Variants in NAV1 observed in about 807,000 individuals in gnomAD.
The protein encoded by NAV1 is neuron navigator 1.
In NAV1, 18 loss-of-function variants were observed where a neutral mutation model predicts 175.2. The ratio of observed to expected loss-of-function variants is 0.10; its 90% CI spans 0.07 to 0.15. The LOEUF is 0.15. NAV1 is among the 10% of genes least tolerant of loss of function. The pLI, the probability that NAV1 is intolerant of heterozygous loss-of-function variation, is 1.00. For missense variants in NAV1, 1,731 were observed against 2,436.6 expected (o/e 0.71, Z 6.10); for synonymous variants, 897 against 978.7 (o/e 0.92, Z 1.56).
intron 1 of NAV1, among the ~76,000 whole-genome samples, chr1:201,696,782 G>A (rs145832857): frequency 1.2e-4 from 18 of 152,286 alleles, no homozygotes; most frequent in African/African-American, 4.3e-4. Context: ...CCTACAAGCC[G>A]TGTGACCTTA....
At chr1:201,728,044 G>C (rs1028133056) in intron 3 of NAV1, among the ~76,000 whole-genome samples, 32 of 152,312 alleles carry the variant, frequency 2.1e-4, no homozygotes, top group African/African-American at 6.3e-4. Flanking sequence ...AGATGGGAAG[G>C]AAAGACAAGA....
chr1:201,659,600 A>G (rs1289231673), intron 1 of NAV1, among the ~76,000 whole-genome samples: 1 of 152,224 alleles, frequency 6.6e-6, no homozygotes, highest in Admixed American at 6.5e-5. Flanking sequence ...AGCCTGGGTG[A>G]CAGAGCAAGA....
At chr1:201,663,156 C>G (rs741973) in intron 1 of NAV1, among the ~76,000 whole-genome samples, 41,055 of 152,176 alleles carry the variant, frequency 0.27, 6,285 homozygotes, top group Admixed American at 0.41. Flanking sequence ...GGGGAACGGT[C>G]TCTGATTGAC....
chr1:201,699,691 T>C (rs925600945), intron 1 of NAV1, among the ~76,000 whole-genome samples: 1 of 152,150 alleles, frequency 6.6e-6, no homozygotes, highest in Non-Finnish European at 1.5e-5. Context: ...CTTCAAACCA[T>C]ACTACAAGGC....
intron 3 of NAV1, among the ~76,000 whole-genome samples, chr1:201,764,417 C>T (rs987514522): frequency 9.2e-5 from 14 of 152,218 alleles, no homozygotes; most frequent in African/African-American, 3.4e-4. Flanking sequence ...TGTGTCCTCA[C>T]ATGGCCTTAA....
At chr1:201,632,589 G>A (rs1389253967) in intron 2 of NAV1, among the ~76,000 whole-genome samples, 1 of 152,254 alleles carries the variant, frequency 6.6e-6, no homozygotes, top group Non-Finnish European at 1.5e-5. Flanking sequence ...GACTGGGAAA[G>A]GTTGCCCCAA....
intron 3 of NAV1, among the ~76,000 whole-genome samples, chr1:201,727,315 A>G (rs79546068): frequency 9.9e-5 from 15 of 152,118 alleles, no homozygotes; most frequent in African/African-American, 1.7e-4. Flanking sequence ...GATCTTTCTG[A>G]TCCTCACAGG....
At chr1:201,650,940 G>A (rs1237257006) in intron 1 of NAV1, among the ~76,000 whole-genome samples, 1 of 152,180 alleles carries the variant, frequency 6.6e-6, no homozygotes, top group African/African-American at 2.4e-5. Flanking sequence ...TCAGTGTGGG[G>A]CTGAGCCTGT....
intron 1 of NAV1, among the ~76,000 whole-genome samples, chr1:201,693,316 A>G (rs1386445582): frequency 6.6e-6 from 1 of 152,210 alleles, no homozygotes; most frequent in Non-Finnish European, 1.5e-5. Flanking sequence ...ACCCTAAGGA[A>G]GGAATAGTGA....
intron 3 of NAV1, among the ~76,000 whole-genome samples, chr1:201,738,623 C>A (rs757610761): frequency 6.6e-6 from 1 of 151,936 alleles, no homozygotes; most frequent in South Asian, 2.1e-4. Flanking sequence ...GCAGTGAGAG[C>A]GAGGAGGAGG....
chr1:201,658,999 A>G (rs1482676612), intron 1 of NAV1, among the ~76,000 whole-genome samples: 1 of 152,164 alleles, frequency 6.6e-6, no homozygotes, highest in African/African-American at 2.4e-5. Flanking sequence ...TGCCCTGGGA[A>G]TTGATTAGGC....
intron 1 of NAV1, among the ~76,000 whole-genome samples, chr1:201,568,054 C>T (rs1423079809): frequency 6.6e-6 from 1 of 152,166 alleles, no homozygotes; most frequent in Non-Finnish European, 1.5e-5. Context: ...CCTAGGACCA[C>T]GTAAGCATAG....
At chr1:201,550,301 A>C (rs1281280932) in intron 1 of NAV1, among the ~76,000 whole-genome samples, 1 of 152,002 alleles carries the variant, frequency 6.6e-6, no homozygotes. Flanking sequence ...CCTCCTAAAC[A>C]GCTGGGACCA....
At chr1:201,806,113 T>C (rs970539166) in intron 17 of NAV1, among the ~76,000 whole-genome samples, 58 of 151,638 alleles carry the variant, frequency 3.8e-4, no homozygotes, top group Admixed American at 1.4e-3. Context: ...GCCTCCTGAG[T>C]AGCTGGGATT....
intron 3 of NAV1, among the ~76,000 whole-genome samples, chr1:201,732,727 C>T (rs1343770996): frequency 1.3e-5 from 2 of 152,218 alleles, no homozygotes; most frequent in African/African-American, 2.4e-5. Flanking sequence ...ATATACCAGA[C>T]ACTGCAGATG....
chr1:201,550,989 C>A (rs897424398), intron 1 of NAV1, among the ~76,000 whole-genome samples: 1 of 152,234 alleles, frequency 6.6e-6, no homozygotes, highest in African/African-American at 2.4e-5. Flanking sequence ...ATGGTCCGTG[C>A]TGAATGACTT....
In NAV1 at chr1:201,774,193, G is replaced by A. The variant is rs965650645; in HGVS notation, c.1227-6228G>A. ...TATAAAGAGAAATGGGAGGGAGACA[G>A]CAAAATCCAGCTTAGAGTGAGCAAA... On this transcript the variant is annotated intron_variant, in intron 3 of 29. Transcript: ENST00000367296. 6.6e-5 allele frequency among the ~76,000 whole-genome samples: 10 copies of A among 152,180 alleles called. No homozygotes were observed. The East Asian group carries it at 1.9e-3, about 29-fold the overall frequency.
Position 201,807,886 on chromosome 1 carries a change from A to T in NAV1, c.3649-67A>T. ...AGCTCTCTCTGTCTCAGAAGTCTCA[A>T]TCCAGTCCTCCCCCATCCCAGTAGT... On this transcript the variant is annotated intron_variant, in intron 17 of 29. Transcript: ENST00000367296. The surrounding 1 kb of genome is among the most constrained non-coding windows in gnomAD (Gnocchi z 5.4). The T allele has an allele frequency of 2.0e-6, 3 of 1,519,274 alleles. No homozygotes were observed. In the South Asian group the frequency reaches 3.4e-5, roughly 17 times the overall value. The allele number at this position is 1,519,274 out of a possible 1,614,324, so 94.1% of individuals were successfully genotyped here. A position where few individuals can be genotyped will look rare whatever the true frequency, so the allele number is the denominator to read the frequency against.
intron 1 of NAV1, among the ~76,000 whole-genome samples, chr1:201,702,854 G>A (rs2102447050): frequency 6.6e-6 from 1 of 152,244 alleles, no homozygotes; most frequent in South Asian, 2.1e-4. Flanking sequence ...AACCTCCCCA[G>A]GCTTCCGTTT....
Sources: allele counts gnomAD v4.1 joint callset (sites outside exome capture counted in the v4.1 genomes callset), GRCh38; gene constraint gnomAD v4.1.1; non-coding constraint Gnocchi (gnomAD v3.1); transcripts MANE v1.5; gene names NCBI Gene and HGNC (gene_info 2026-07-23, HGNC 2026-07-21).